Variants in PBX1 observed in about 807,000 individuals in gnomAD.
PBX1 encodes pre-B-cell leukemia transcription factor 1.
In PBX1, 6 loss-of-function variants were observed where a neutral mutation model predicts 53.4. The ratio of observed to expected loss-of-function variants is 0.11; its 90% CI spans 0.06 to 0.22. The LOEUF is 0.22. PBX1 is among the 10% of genes least tolerant of loss of function. PBX1 has a pLI of 1.00. For missense variants in PBX1, 251 were observed against 551.4 expected (o/e 0.46, Z 5.46); for synonymous variants, 204 against 212.3 (o/e 0.96, Z 0.34).
At chr1:164,662,750 G>A (rs565083440) in intron 2 of PBX1, among the ~76,000 whole-genome samples, 5 of 152,074 alleles carry the variant, frequency 3.3e-5, no homozygotes, top group East Asian at 3.9e-4. Context: ...TGGTAGCTTC[G>A]TTGTTACAGT....
At chr1:164,857,627 C>T (rs1672007476) in intron 2 of PBX1, among the ~76,000 whole-genome samples, 1 of 152,134 alleles carries the variant, frequency 6.6e-6, no homozygotes, top group Non-Finnish European at 1.5e-5. Context: ...GTCTAGTGGC[C>T]TGCCAAGAGT....
chr1:164,631,256 T>A (rs1029616219), intron 2 of PBX1: 2 of 152,186 alleles, frequency 1.3e-5, no homozygotes, highest in Non-Finnish European at 2.9e-5. Flanking sequence ...AACGAATAGT[T>A]TCATAACCTA....
chr1:164,563,751 G>A (rs2101689687), intron 2 of PBX1, among the ~76,000 whole-genome samples: 1 of 152,190 alleles, frequency 6.6e-6, no homozygotes, highest in East Asian at 1.9e-4. Flanking sequence ...ATTACACAAA[G>A]CAGCAGACTA....
intron 2 of PBX1, among the ~76,000 whole-genome samples, chr1:164,573,678 G>A (rs942156015): frequency 6.6e-6 from 1 of 151,914 alleles, no homozygotes; most frequent in Non-Finnish European, 1.5e-5. Flanking sequence ...TAGAGATGGG[G>A]TTTCACCATG....
intron 8 of PBX1, among the ~76,000 whole-genome samples, chr1:164,823,624 G>C (rs1056785495): frequency 7.6e-6 from 1 of 131,340 alleles, no homozygotes; most frequent in Non-Finnish European, 1.6e-5. Flanking sequence ...GGGTGGGGGG[G>C]GGGGTCAACA....
At chr1:164,655,621 C>T (rs1660123564) in intron 2 of PBX1, among the ~76,000 whole-genome samples, 1 of 152,120 alleles carries the variant, frequency 6.6e-6, no homozygotes, top group East Asian at 1.9e-4. Context: ...TGGTAATGTT[C>T]AGTGAAATTT....
rs2102422565 is a variant in PBX1, at chr1:164,847,687, A to G, written c.*1011A>G. 9.5e-7 allele frequency: 1 copy of G among 1,056,986 alleles called. No individual in the cohort carries two copies. The highest frequency in any genetic ancestry group is 1.1e-6 in the Non-Finnish European group (1 of 874,066). 65.5% of individuals were successfully genotyped at this position (1,056,986 alleles called of 1,614,324 possible). A position where few individuals can be genotyped will look rare whatever the true frequency, so the allele number is the denominator to read the frequency against. ...TCTTCACTTTCCCGAGATGCCATAT[A>G]CAATTACCTACATTAATAACTGTAG... On this transcript the variant is annotated 3_prime_UTR_variant, in exon 9 of 9. Transcript: ENST00000420696.
intron 8 of PBX1, chr1:164,828,643 T>C (rs1188399302): frequency 6.6e-6 from 1 of 151,918 alleles, no homozygotes; most frequent in Non-Finnish European, 1.5e-5. Context: ...CTCCTTCTGC[T>C]CTGTGGAGAA....
rs1652854832 is a variant in PBX1 at position 164,559,491 on chromosome 1, C to T, written c.-332C>T. The T allele has an allele frequency of 1.0e-5, 3 of 296,840 alleles. No individual in the cohort carries two copies. The highest frequency in any genetic ancestry group is 6.4e-5 in the African/African-American group (3 of 46,992). The allele number at this position is 296,840 out of a possible 1,614,324, so 18.4% of individuals were successfully genotyped here. ...TTGCAAAGGAGACCGGACTGAAAAA[C>T]CTAAAGCCAGCTCTGATTTCTTTTC... On this transcript the variant is annotated 5_prime_UTR_variant, in exon 1 of 9. Transcript: ENST00000420696.
chr1:164,869,845 T>C (rs1378905041), intron 2 of PBX1, among the ~76,000 whole-genome samples: 1 of 152,114 alleles, frequency 6.6e-6, no homozygotes, highest in Admixed American at 6.5e-5. Flanking sequence ...CTACAAGCCC[T>C]TGGAATTTGG....
At chr1:164,672,439 G>A (rs1193956629) in intron 2 of PBX1, among the ~76,000 whole-genome samples, 1 of 152,130 alleles carries the variant, frequency 6.6e-6, no homozygotes, top group Non-Finnish European at 1.5e-5. Flanking sequence ...CTTAGATCTC[G>A]ATACTGAGAC....
rs1338671327 is a variant in PBX1, at chr1:164,790,225, A to C, written c.266-2269A>C. ...GTTCTTCAGAGTGCTTCGGAGATTT[A>C]AGTAAATAAATTTAAGAAACAATAA... On this transcript the variant is annotated intron_variant, in intron 2 of 8. Coordinates refer to ENST00000420696, the MANE Select transcript of PBX1 (RefSeq NM_002585.4). 3.0e-4 allele frequency among the ~76,000 whole-genome samples: 46 copies of C among 152,186 alleles called. 1 individual carries two copies. Among genetic ancestry groups the C allele is most frequent in the Non-Finnish European group, 4.4e-5 (3 of 68,042 alleles).
intron 2 of PBX1, chr1:164,682,334 G>C (rs375587336): frequency 6.6e-6 from 1 of 152,054 alleles, no homozygotes; most frequent in Non-Finnish European, 1.5e-5. Context: ...GCCTGGTTTT[G>C]GTACAGCTCT....
chr1:164,658,761 A>G (rs1044897856), intron 2 of PBX1, among the ~76,000 whole-genome samples: 3 of 152,180 alleles, frequency 2.0e-5, no homozygotes, highest in African/African-American at 7.2e-5. Flanking sequence ...ATAACAGCCA[A>G]TATTTATTGA....
Position 164,881,592 on chromosome 1 carries a change from GAAGGA to G in PBX1, n.258-17569_258-17565del, listed in dbSNP as rs71097555. On this transcript the variant is annotated intron_variant and non_coding_transcript_variant, in intron 2 of 2. Coordinates refer to the PBX1 transcript ENST00000558796. ...GAGAGAGAGAGAGGAAGGAAGGGAGGAAGGAAAGGAAAGGAAAGGAAAGGAAAGGA... is the reference window on the plus strand; with the variant it reads ...GAGAGAGAGAGAGGAAGGAAGGGAGGAAGGAAAGGAAAGGAAAGGAAAGGA... 3.0e-3 allele frequency among the ~76,000 whole-genome samples: 287 copies of G among 94,110 alleles called. 1 individual carries two copies. Among genetic ancestry groups the G allele is most frequent in the African/African-American group, 0.013 (225 of 17,988 alleles). The allele number at this position is 94,110 out of a possible 152,430, so 61.7% of individuals were successfully genotyped here.
chr1:164,610,131 C>A (rs1323640127), intron 2 of PBX1, among the ~76,000 whole-genome samples: 1 of 152,204 alleles, frequency 6.6e-6, no homozygotes, highest in East Asian at 1.9e-4. Context: ...GCCGCCGCCT[C>A]CTTTGCCTCA....
chr1:164,743,032 A>T, intron 2 of PBX1, among the ~76,000 whole-genome samples: 1 of 152,230 alleles, frequency 6.6e-6, no homozygotes, highest in Non-Finnish European at 1.5e-5. Context: ...GACAAACAGC[A>T]ATGTAAGCCA....
chr1:164,857,699 C>G (rs1672008749), intron 2 of PBX1, among the ~76,000 whole-genome samples: 1 of 152,144 alleles, frequency 6.6e-6, no homozygotes, highest in Admixed American at 6.5e-5. Context: ...CCAACAGTTT[C>G]AGTTGTTCTG....
chr1:164,687,878 C>G (rs1662216148), intron 2 of PBX1, among the ~76,000 whole-genome samples: 1 of 152,094 alleles, frequency 6.6e-6, no homozygotes, highest in African/African-American at 2.4e-5. Context: ...TGATAAGAAC[C>G]AGGTGGGTTG....
Sources: allele counts gnomAD v4.1 joint callset (sites outside exome capture counted in the v4.1 genomes callset), GRCh38; gene constraint gnomAD v4.1.1; transcripts MANE v1.5; gene names NCBI Gene and HGNC (gene_info 2026-07-23, HGNC 2026-07-21).